Variants in SERINC5 observed in about 807,000 individuals in gnomAD.
SERINC5 encodes the protein serine incorporator 5, also known as chromosome 5 open reading frame 12.
A neutral mutation model predicts 63.1 loss-of-function variants in SERINC5; 41 were observed. That is an observed-to-expected ratio of 0.65 (90% confidence interval 0.51 to 0.84). The LOEUF (loss-of-function observed/expected upper bound fraction) is 0.84, where lower values mean the gene tolerates loss of function less well. Ranked by LOEUF, SERINC5 falls within the 40% of genes least tolerant of loss-of-function variation. SERINC5 has a pLI of 0.00. For synonymous variants in SERINC5, 222 were observed against 215.2 expected (o/e 1.03, Z -0.28); for missense variants, 523 against 573.0 (o/e 0.91, Z 0.89).
At position 80,155,261 on chromosome 5, in the gene SERINC5, C is replaced by T. The variant is rs113029678; in HGVS notation, c.986+3575G>A. On this transcript the variant is annotated intron_variant, in intron 8 of 11. Transcript: ENST00000507668. The stretch of plus-strand genomic sequence containing the variant: ...CAGACTAAAGGGGTGTGGAGGGATG[C>T]GCCTATAGAAAGAGCCATCAGGGCT... Among the ~76,000 whole-genome samples, 335 of 152,284 alleles carry T rather than the reference C, an allele frequency of 2.2e-3. 2 individuals are homozygous for T. Among genetic ancestry groups the T allele is most frequent in the African/African-American group, 7.3e-3 (303 of 41,550 alleles).
At chr5:80,151,019 G>T in intron 8 of SERINC5, 71 bp from the exon 9 acceptor site, 2 of 1,144,716 alleles carry the variant, frequency 1.7e-6, no homozygotes, top group South Asian at 1.2e-5. Context: ...GGGGAAAGCC[G>T]GCTGGCCAGT....
chr5:80,147,154 GTTAT>G, intron 10 of SERINC5, 87 bp downstream of exon 10: 1 of 1,192,640 alleles, frequency 8.4e-7, no homozygotes. Context: ...TACTATTCAA[GTTAT>G]TTGTGTCTGA....
intron 1 of SERINC5, among the ~76,000 whole-genome samples, chr5:80,242,732 A>C (rs1052480532): frequency 1.6e-4 from 25 of 152,150 alleles, no homozygotes; most frequent in African/African-American, 6.0e-4. Flanking sequence ...CCTGGGTGAC[A>C]GAGTGAGACT....
At chr5:80,205,141 T>C (rs899067013) in intron 1 of SERINC5, among the ~76,000 whole-genome samples, 2 of 152,220 alleles carry the variant, frequency 1.3e-5, no homozygotes, top group Non-Finnish European at 2.9e-5. Flanking sequence ...GCTGCACAGA[T>C]AAGGGAACTT....
chr5:80,128,518 A>G (rs1744826445), intron 11 of SERINC5: 1 of 152,260 alleles, frequency 6.6e-6, no homozygotes, highest in Non-Finnish European at 1.5e-5. Flanking sequence ...TGGAAAGGAA[A>G]GATTGACCTA....
intron 1 of SERINC5, among the ~76,000 whole-genome samples, chr5:80,252,740 T>C (rs1489233786): frequency 6.6e-6 from 1 of 152,162 alleles, no homozygotes; most frequent in Non-Finnish European, 1.5e-5. Context: ...CCCTAAGAAG[T>C]ACCCATTCAA....
intron 8 of SERINC5, among the ~76,000 whole-genome samples, chr5:80,156,502 A>G (rs541031645): frequency 7.3e-4 from 111 of 152,322 alleles, no homozygotes; most frequent in African/African-American, 2.6e-3. Context: ...CCCAGCCCAC[A>G]GAGTGTGCTC....
Position 80,177,417 on chromosome 5 carries a change from A to G in SERINC5, c.375-20T>C. 1 of 1,592,334 alleles carries G rather than the reference A, an allele frequency of 6.3e-7. No individual in the cohort carries two copies. The highest frequency in any genetic ancestry group is 1.3e-5 in the African/African-American group (1 of 74,536). On this transcript the variant is annotated intron_variant, in intron 3 of 11. Coordinates refer to ENST00000507668, the MANE Select transcript of SERINC5 (RefSeq NM_001174072.3). ...CAAAAGCTAGAAGTGGGGGGAAAAA[A>G]AAGAGGAAATGTATTTAAATGACAT...
At chr5:80,121,229 GT>G (rs1339135062) in intron 11 of SERINC5, among the ~76,000 whole-genome samples, 2 of 152,182 alleles carry the variant, frequency 1.3e-5, no homozygotes, top group Non-Finnish European at 2.9e-5. Context: ...CAAGAAAGGA[GT>G]TTTAACTGGC....
chr5:80,188,923 G>A (rs1749006066), intron 2 of SERINC5, among the ~76,000 whole-genome samples: 1 of 152,002 alleles, frequency 6.6e-6, no homozygotes, highest in Non-Finnish European at 1.5e-5. Context: ...GCAAAACCCT[G>A]TCTCAGAAAA....
At chr5:80,175,883 AAAGG>A (rs1747999083) in intron 4 of SERINC5, among the ~76,000 whole-genome samples, 1 of 136,042 alleles carries the variant, frequency 7.4e-6, no homozygotes, top group African/African-American at 3.4e-5. Context: ...AAAAAAAAAA[AAAGG>A]ACTGAGCTTG....
intron 5 of SERINC5, among the ~76,000 whole-genome samples, chr5:80,173,412 G>A (rs946093005): frequency 4.6e-5 from 7 of 152,018 alleles, no homozygotes; most frequent in Non-Finnish European, 7.4e-5. Context: ...TGGCTAACAC[G>A]GTGAAACCCC....
intron 1 of SERINC5, among the ~76,000 whole-genome samples, chr5:80,255,609 T>C (rs1231435787): frequency 6.6e-6 from 1 of 152,200 alleles, no homozygotes; most frequent in Non-Finnish European, 1.5e-5. Flanking sequence ...CCTGGAGCAG[T>C]CGGGATCCTC....
chr5:80,236,628 C>G lies in SERINC5; in HGVS notation c.27+19268G>C, dbSNP rs1751702156. ...GCAACCTCCACCTCCTGGGTTCAAG[C>G]AATTCTCCTGCCTCAGTCTCCCAAG... On this transcript the variant is annotated intron_variant, in intron 1 of 11. Coordinates refer to ENST00000507668, the MANE Select transcript of SERINC5 (RefSeq NM_001174072.3). Among the ~76,000 whole-genome samples, 3 of 151,400 alleles carry G rather than the reference C, an allele frequency of 2.0e-5. No individual in the cohort carries two copies. The Admixed American group carries it at 2.0e-4, about 10-fold the overall frequency.
At chr5:80,210,660 G>T (rs1750391805) in intron 1 of SERINC5, among the ~76,000 whole-genome samples, 1 of 152,088 alleles carries the variant, frequency 6.6e-6, no homozygotes, top group Non-Finnish European at 1.5e-5. Context: ...TCATAAAAGG[G>T]TCTCTGTCTC....
chr5:80,219,857 G>GT (rs70982041), intron 1 of SERINC5, among the ~76,000 whole-genome samples: 69 of 151,922 alleles, frequency 4.5e-4, no homozygotes, highest in Non-Finnish European at 8.7e-4. Context: ...TTACCTTTTT[G>GT]TTTTTTTTCA....
At chr5:80,251,471 T>C (rs1176069703) in intron 1 of SERINC5, among the ~76,000 whole-genome samples, 1 of 152,144 alleles carries the variant, frequency 6.6e-6, no homozygotes, top group Non-Finnish European at 1.5e-5. Flanking sequence ...AGCTCATGCC[T>C]GTAATCCCAG....
At chr5:80,127,859 G>GA (rs1317854922) in intron 11 of SERINC5, among the ~76,000 whole-genome samples, 2 of 151,642 alleles carry the variant, frequency 1.3e-5, no homozygotes, top group African/African-American at 2.4e-5. Context: ...ATTTCTCAAG[G>GA]AAAAAAACAA....
intron 1 of SERINC5, among the ~76,000 whole-genome samples, chr5:80,254,849 G>C (rs1167012680): frequency 6.6e-6 from 1 of 152,146 alleles, no homozygotes; most frequent in Non-Finnish European, 1.5e-5. Flanking sequence ...ACTCTAAACA[G>C]GACAGATTAT....
Sources: gnomAD v4.1 joint callset for allele counts (sites outside exome capture counted in the v4.1 genomes callset) on GRCh38, gnomAD v4.1.1 for gene constraint, MANE v1.5 for transcripts, NCBI Gene and HGNC (gene_info 2026-07-23, HGNC 2026-07-21) for gene names.